Variants in CCDC171 observed in about 807,000 individuals in gnomAD.
The protein encoded by CCDC171 is coiled-coil domain-containing protein 171.
Under a neutral mutation model 168.2 loss-of-function variants are expected in CCDC171, and 177 were observed. The observed-to-expected ratio is 1.05, with a 90% CI of 0.93 to 1.19. The LOEUF (loss-of-function observed/expected upper bound fraction) is 1.19. CCDC171 is among the 50% of genes most tolerant of loss of function. The probability of loss-of-function intolerance (pLI) is 0.00; values close to 1 mark genes in which losing one functional copy is unlikely to be tolerated. For synonymous variants in CCDC171, 687 were observed against 540.8 expected (o/e 1.27, Z -3.75); for missense variants, 1,991 against 1,539.0 (o/e 1.29, Z -4.91).
chr9:15,719,416 AAG>A (rs145961792), intron 11 of CCDC171, among the ~76,000 whole-genome samples: 1,039 of 7,418 alleles, frequency 0.14, 21 homozygotes, highest in African/African-American at 0.24. Context: ...GGGCGGGGGA[AAG>A]AGAGAGAGAG....
rs2055212088 is a variant in CCDC171 at position 15,745,566 on chromosome 9, G to C, written c.2606G>C (p.Ser869Thr). 6.3e-7 allele frequency: 1 copy of C among 1,591,596 alleles called. No individual in the cohort carries two copies. Among genetic ancestry groups the C allele is most frequent in the African/African-American group, 1.4e-5 (1 of 73,426 alleles). ...RCLQALSWLT[S>T]SDLLAAIISS... ...TTACAAGCGCTCAGTTGGCTCACCA[G>C]TTCTGACCTTCTTGCTGCAATAATC... Residue 869 changes from serine to threonine, a missense_variant, in exon 18 of 26, where the codon AGT becomes ACT. Ser to Thr is a moderately conservative substitution (Grantham distance 58, BLOSUM62 1). Coordinates refer to ENST00000380701, the MANE Select transcript of CCDC171 (RefSeq NM_173550.4).
At chr9:15,734,714 G>A (rs1470974451) in intron 16 of CCDC171, among the ~76,000 whole-genome samples, 1 of 151,904 alleles carries the variant, frequency 6.6e-6, no homozygotes, top group Non-Finnish European at 1.5e-5. Context: ...TTTATTTTAG[G>A]AAATTTTGTT....
intron 15 of CCDC171, among the ~76,000 whole-genome samples, chr9:15,728,571 A>G (rs2053961986): frequency 6.6e-6 from 1 of 152,204 alleles, no homozygotes; most frequent in Non-Finnish European, 1.5e-5. Context: ...GACTGCAAAA[A>G]GTGTATTTTA....
chr9:15,778,300 C>T (rs867518078), intron 19 of CCDC171, among the ~76,000 whole-genome samples: 7 of 100,306 alleles, frequency 7.0e-5, no homozygotes, highest in African/African-American at 2.4e-4. Context: ...GGCGACAGAG[C>T]GAGACTCCGT....
chr9:15,911,630 G>T (rs572943793), intron 24 of CCDC171, among the ~76,000 whole-genome samples: 1 of 152,158 alleles, frequency 6.6e-6, no homozygotes, highest in Admixed American at 6.6e-5. Context: ...CCATGCCTAT[G>T]TCCTGAATGG....
chr9:15,784,836 G>C (rs2057855585), intron 21 of CCDC171, 142 bp downstream of exon 21: 3 of 598,594 alleles, frequency 5.0e-6, no homozygotes, highest in Non-Finnish European at 8.2e-6. Context: ...ACATGTTTCT[G>C]AGACCTCAGT....
intron 9 of CCDC171, among the ~76,000 whole-genome samples, chr9:15,673,259 G>A (rs750825102): frequency 6.6e-6 from 1 of 152,334 alleles, no homozygotes; most frequent in African/African-American, 2.4e-5. Context: ...GGGCTGAGAT[G>A]ATGGGGTTTT....
At chr9:16,082,059 T>A in the CCDC171 span, among the ~76,000 whole-genome samples, 1 of 152,212 alleles carries the variant, frequency 6.6e-6, no homozygotes, top group Non-Finnish European at 1.5e-5. Context: ...AACCTGCTCT[T>A]GATTTTGTAA....
rs376236426 is a variant in CCDC171, at chr9:15,846,834, C to T, written c.3400C>T (p.Arg1134Cys). The change falls in exon 22 of 26, where the codon CGC becomes TGC. Residue 1134 changes from arginine to cysteine, a missense_variant. Arg to Cys is a radical substitution (Grantham distance 180). Transcript: ENST00000380701. ...ENIHDAESAL[R>C]MAAKDKECVA... ...CATCCATGATGCAGAGAGTGCCCTCCGCATGGCAGCCAAGTGAGCATTTGG... is the reference window on the plus strand; with the variant it reads ...CATCCATGATGCAGAGAGTGCCCTCTGCATGGCAGCCAAGTGAGCATTTGG... 1,124 of 1,606,248 alleles carry T rather than the reference C, an allele frequency of 7.0e-4. 8 individuals are homozygous for T. In the South Asian group the frequency reaches 9.4e-3, roughly 14 times the overall value.
At position 15,698,348 on chromosome 9, in the gene CCDC171, C is replaced by T. The variant is rs561516060; in HGVS notation, c.1318+3011C>T. On this transcript the variant is annotated intron_variant, in intron 11 of 25. Transcript: ENST00000380701. ...CATCCTGGCTAACACGGTGAAACAC[C>T]GTCTCTACTAAAAATACAAAAAATT... is the stretch of plus-strand genomic sequence containing the variant. Among the ~76,000 whole-genome samples, 937 of 152,056 alleles carry T rather than the reference C, an allele frequency of 6.2e-3. 5 individuals carry two copies. The highest frequency in any genetic ancestry group is 0.01 in the Non-Finnish European group (701 of 67,972).
chr9:15,942,673 G>C (rs1451043266), intron 25 of CCDC171, among the ~76,000 whole-genome samples: 1 of 151,862 alleles, frequency 6.6e-6, no homozygotes, highest in Non-Finnish European at 1.5e-5. Flanking sequence ...TCTAAGTTCA[G>C]GTAAAGAGAG....
chr9:15,598,562 C>T (rs2042567767), intron 6 of CCDC171, among the ~76,000 whole-genome samples: 1 of 152,136 alleles, frequency 6.6e-6, no homozygotes, highest in Admixed American at 6.5e-5. Flanking sequence ...GAGTGCTTTA[C>T]TTCCAACTAT....
chr9:15,930,106 G>C lies in CCDC171; in HGVS notation c.3753+9684G>C, dbSNP rs184550807. On this transcript the variant is annotated intron_variant, in intron 25 of 25. Transcript: ENST00000380701. ...AGTCATATTTATAATCCATTATAATGATCAGATTTTAATAAATGCTGCTTG... is the reference window on the plus strand; with the variant it reads ...AGTCATATTTATAATCCATTATAATCATCAGATTTTAATAAATGCTGCTTG... Among the ~76,000 whole-genome samples the C allele has an allele frequency of 1.8e-3, 268 of 151,704 alleles. 2 individuals carry two copies. The highest frequency in any genetic ancestry group is 5.6e-3 in the African/African-American group (234 of 41,488).
intron 2 of CCDC171, among the ~76,000 whole-genome samples, chr9:15,570,357 C>G (rs74379690): frequency 0.018 from 2,795 of 151,576 alleles, 149 homozygotes; most frequent in Admixed American, 0.11. Context: ...GGATGATATA[C>G]TCCTATTTTT....
Position 15,578,875 on chromosome 9 carries a change from C to T in CCDC171, c.204C>T (p.Ala68=). The change falls in exon 4 of 26, where the codon GCC becomes GCT. Residue 68 remains alanine (A), a synonymous_variant. Transcript: ENST00000380701. ...AELASYESQI[A]KLRSEVEKGE... Reference sequence around the variant, plus strand: ...TGGCAAGCTATGAGAGCCAGATTGCCAAGCTACGGTCCGAGGTTGAAAAGG... The same window carrying T: ...TGGCAAGCTATGAGAGCCAGATTGCTAAGCTACGGTCCGAGGTTGAAAAGG... The T allele has an allele frequency of 1.9e-6, 3 of 1,613,242 alleles. No homozygotes were observed. Among genetic ancestry groups the T allele is most frequent in the Non-Finnish European group, 2.5e-6 (3 of 1,179,656 alleles).
At chr9:15,811,741 G>T (rs564500001) in intron 21 of CCDC171, among the ~76,000 whole-genome samples, 2 of 152,280 alleles carry the variant, frequency 1.3e-5, no homozygotes, top group South Asian at 2.1e-4. Flanking sequence ...GGAAGATGTG[G>T]AAGAATGATT....
chr9:16,017,504 A>T (rs773869956), intron 3 of CCDC171, among the ~76,000 whole-genome samples: 1 of 152,164 alleles, frequency 6.6e-6, no homozygotes, highest in Non-Finnish European at 1.5e-5. Context: ...TATATTTTAA[A>T]GCTAGAATTC....
rs552027066 is a variant in CCDC171 at position 16,046,665 on chromosome 9, A to G, written n.89+3779A>G. Among the ~76,000 whole-genome samples, 265 of 152,226 alleles carry G rather than the reference A, an allele frequency of 1.7e-3. 1 individual carries two copies. Among genetic ancestry groups the G allele is most frequent in the Non-Finnish European group, 2.8e-3 (191 of 68,014 alleles). On this transcript the variant is annotated intron_variant and non_coding_transcript_variant, in intron 1 of 1. Coordinates refer to the CCDC171 transcript ENST00000478913. ...TCCCATACTGTCCTCATGGTAGTGAATAAGTCTCATGAGATCTGATGGTTT... is the reference window on the plus strand; with the variant it reads ...TCCCATACTGTCCTCATGGTAGTGAGTAAGTCTCATGAGATCTGATGGTTT...
At chr9:15,770,634 C>T (rs1050574108) in intron 18 of CCDC171, among the ~76,000 whole-genome samples, 5 of 152,136 alleles carry the variant, frequency 3.3e-5, no homozygotes, top group African/African-American at 7.2e-5. Context: ...GATTCTTAAT[C>T]AGTGTTACAT....
Sources: gnomAD v4.1 joint callset for allele counts (sites outside exome capture counted in the v4.1 genomes callset) on GRCh38, gnomAD v4.1.1 for gene constraint, MANE v1.5 for transcripts, NCBI Gene and HGNC (gene_info 2026-07-23, HGNC 2026-07-21) for gene names.